Variants in HECW1 observed in about 807,000 individuals in gnomAD.
HECW1 encodes the protein E3 ubiquitin-protein ligase HECW1.
HECW1 carries 61 observed loss-of-function variants against 182.3 expected under a neutral mutation model. That is an observed-to-expected ratio of 0.33 (90% confidence interval 0.27 to 0.41). The LOEUF (loss-of-function observed/expected upper bound fraction) is 0.41, where lower values mean the gene tolerates loss of function less well. Ranked by LOEUF, HECW1 falls within the 10% of genes least tolerant of loss-of-function variation. The pLI is 1.00. For missense variants in HECW1, 1,739 were observed against 2,108.9 expected, an observed-to-expected ratio of 0.82 and a Z score of 3.44; for synonymous variants, 859 against 832.6, an observed-to-expected ratio of 1.03 and a Z score of -0.55.
Position 43,445,369 on chromosome 7 carries a change from T to A in HECW1, c.2197T>A (p.Phe733Ile), listed in dbSNP as rs1209708587. The change falls in exon 11 of 30, where the codon TTC becomes ATC. Residue 733 changes from phenylalanine to isoleucine, a missense_variant. By Grantham distance (21) the Phe-to-Ile change is conservative (BLOSUM62 0). Coordinates refer to ENST00000395891, the MANE Select transcript of HECW1 (RefSeq NM_015052.5). The stretch of plus-strand genomic sequence containing the variant: ...CGCCAAGATCTCCGAGAGCACGGTC[T>A]TCTCCTCGCAAGACGACGAGGAGGA... ...DSAKISESTV[F>I]SSQDDEEEEN... The A allele has an allele frequency of 1.2e-6, 2 of 1,613,736 alleles. No individual in the cohort carries two copies. Among genetic ancestry groups the A allele is most frequent in the East Asian group, 4.5e-5 (2 of 44,860 alleles).
intron 5 of HECW1, among the ~76,000 whole-genome samples, chr7:43,337,505 G>A (rs889900339): frequency 2.0e-5 from 3 of 152,306 alleles, no homozygotes; most frequent in Non-Finnish European, 4.4e-5. Context: ...AGAGCCCCAA[G>A]GTGACATCTC....
chr7:43,336,150 C>T (rs28860912), intron 5 of HECW1, among the ~76,000 whole-genome samples: 769 of 51,144 alleles, frequency 0.015, 2 homozygotes, highest in Non-Finnish European at 0.019. Context: ...CTCTTTCTCT[C>T]TCTCTCTCTC....
intron 3 of HECW1, among the ~76,000 whole-genome samples, chr7:43,260,385 C>T (rs1801042878): frequency 6.6e-6 from 1 of 151,754 alleles, no homozygotes; most frequent in South Asian, 2.1e-4. Flanking sequence ...GTGGAAAGAC[C>T]GAAAAGTGGC....
intron 6 of HECW1, among the ~76,000 whole-genome samples, chr7:43,378,146 G>T (rs1178367620): frequency 6.6e-6 from 1 of 152,132 alleles, no homozygotes; most frequent in Admixed American, 6.5e-5. Flanking sequence ...AAGCTTGCTT[G>T]CTTAAAATTG....
chr7:43,160,892 C>G (rs1297530704), intron 2 of HECW1, among the ~76,000 whole-genome samples: 1 of 151,966 alleles, frequency 6.6e-6, no homozygotes, highest in East Asian at 1.9e-4. Flanking sequence ...TTACAGTTGT[C>G]GTATTTATTT....
chr7:43,506,282 G>C (rs1301365593), intron 21 of HECW1, among the ~76,000 whole-genome samples: 1 of 152,096 alleles, frequency 6.6e-6, no homozygotes, highest in East Asian at 1.9e-4. Flanking sequence ...CCTCATTATA[G>C]TTTCAATCAC....
At chr7:43,470,374 A>G (rs1563021643) in intron 16 of HECW1, among the ~76,000 whole-genome samples, 1 of 152,220 alleles carries the variant, frequency 6.6e-6, no homozygotes, top group Non-Finnish European at 1.5e-5. Context: ...CAAACAGCAC[A>G]CACCAATGTG....
rs926574163 is a variant in HECW1 at position 43,444,101 on chromosome 7, A to G, written c.1046-117A>G. On this transcript the variant is annotated intron_variant, in intron 10 of 29. Transcript: ENST00000395891. The surrounding 1 kb of genome is among the most constrained non-coding windows in gnomAD (Gnocchi z 4.3). ...GCCAGTGAGAAACCCTCATCAACCT[A>G]CATTCAATATCCTAATGTAGAAATC... is the stretch of plus-strand genomic sequence containing the variant. 6.6e-6 allele frequency: 7 copies of G among 1,054,772 alleles called. No individual in the cohort carries two copies. Among genetic ancestry groups the G allele is most frequent in the African/African-American group, 4.8e-5 (3 of 62,638 alleles). The allele number at this position is 1,054,772 out of a possible 1,614,324, so 65.3% of individuals were successfully genotyped here. A position where few individuals can be genotyped will look rare whatever the true frequency, so the allele number is the denominator to read the frequency against.
chr7:43,315,231 T>C (rs1379242927), intron 4 of HECW1, among the ~76,000 whole-genome samples: 1 of 152,160 alleles, frequency 6.6e-6, no homozygotes, highest in African/African-American at 2.4e-5. Flanking sequence ...GGCACCCTAT[T>C]AGAATCTAGA....
intron 8 of HECW1, among the ~76,000 whole-genome samples, chr7:43,408,581 G>C (rs946090229): frequency 4.6e-5 from 7 of 152,040 alleles, no homozygotes; most frequent in Admixed American, 1.3e-4. Flanking sequence ...AGCTACTGGA[G>C]AGGCTGATGT....
chr7:43,470,016 G>C (rs2077953901), intron 16 of HECW1, among the ~76,000 whole-genome samples: 1 of 152,160 alleles, frequency 6.6e-6, no homozygotes, highest in Non-Finnish European at 1.5e-5. Context: ...AGTGTATGGG[G>C]AAAGAATGGG....
intron 2 of HECW1, among the ~76,000 whole-genome samples, chr7:43,238,816 T>C (rs1314098125): frequency 6.6e-6 from 1 of 152,194 alleles, no homozygotes; most frequent in African/African-American, 2.4e-5. Context: ...AGAGGGTTTT[T>C]CTGTCATAGA....
At position 43,285,808 on chromosome 7, in the gene HECW1, A is replaced by G. The variant is rs544622945; in HGVS notation, c.28-25955A>G. On this transcript the variant is annotated intron_variant, in intron 3 of 29. Coordinates refer to ENST00000395891, the MANE Select transcript of HECW1 (RefSeq NM_015052.5). ...ATCTCAACAAAAAATAAAATAAAATAAAATAAAATAAAGAAACTGAGTGGG... is the reference window on the plus strand; with the variant it reads ...ATCTCAACAAAAAATAAAATAAAATGAAATAAAATAAAGAAACTGAGTGGG... Among the ~76,000 whole-genome samples, 6 of 152,292 alleles carry G rather than the reference A, an allele frequency of 3.9e-5. No homozygotes were observed. The East Asian group carries it at 7.7e-4, about 20-fold the overall frequency.
chr7:43,301,800 G>A (rs1380089853), intron 3 of HECW1, among the ~76,000 whole-genome samples: 4 of 151,740 alleles, frequency 2.6e-5, no homozygotes, highest in African/African-American at 4.8e-5. Context: ...TCTTGAACCC[G>A]GGAGGCAGAG....
At chr7:43,284,617 CT>C (rs1804383095) in intron 3 of HECW1, among the ~76,000 whole-genome samples, 1 of 152,028 alleles carries the variant, frequency 6.6e-6, no homozygotes, top group Non-Finnish European at 1.5e-5. Context: ...TACAGTTACC[CT>C]GTTGTACAAT....
intron 11 of HECW1, among the ~76,000 whole-genome samples, chr7:43,450,298 G>A (rs12534962): frequency 0.01 from 1,535 of 151,740 alleles, 70 homozygotes; most frequent in Admixed American, 0.078. Flanking sequence ...TTCTTGGCTC[G>A]CCAGCTCCTT....
chr7:43,500,470 CT>C (rs918220474), intron 19 of HECW1, among the ~76,000 whole-genome samples: 1 of 152,140 alleles, frequency 6.6e-6, no homozygotes. Flanking sequence ...GAGGACCTAA[CT>C]TTGCTGTGTT....
chr7:43,351,222 T>C (rs1212768940), intron 5 of HECW1, among the ~76,000 whole-genome samples: 1 of 152,170 alleles, frequency 6.6e-6, no homozygotes, highest in Admixed American at 6.5e-5. Context: ...GTGAACCATC[T>C]ATAGGTCTCT....
intron 17 of HECW1, among the ~76,000 whole-genome samples, chr7:43,483,872 G>A (rs1187394142): frequency 1.3e-5 from 2 of 151,986 alleles, no homozygotes; most frequent in East Asian, 3.9e-4. Flanking sequence ...TTTAAAAGAA[G>A]ACAATGAAAG....
Sources: allele counts gnomAD v4.1 joint callset (sites outside exome capture counted in the v4.1 genomes callset), GRCh38; gene constraint gnomAD v4.1.1; non-coding constraint Gnocchi (gnomAD v3.1); transcripts MANE v1.5; gene names NCBI Gene and HGNC (gene_info 2026-07-23, HGNC 2026-07-21).